The following BTBD9 variants were observed in gnomAD, a reference collection of about 807,000 sequenced individuals.
BTBD9 encodes BTB/POZ domain-containing protein 9.
Under a neutral mutation model 64.3 loss-of-function variants are expected in BTBD9, and 49 were observed. That is an observed-to-expected ratio of 0.76 (90% CI 0.61 to 0.97). BTBD9 has a LOEUF of 0.97. Among genes scored for constraint, BTBD9 ranks in the 50% least tolerant of loss-of-function variants. The pLI, the probability that BTBD9 is intolerant of heterozygous loss-of-function variation, is 0.00. For synonymous variants in BTBD9, 260 were observed against 274.7 expected, an observed-to-expected ratio of 0.95 and a Z score of 0.53; for missense variants, 598 against 762.1, an observed-to-expected ratio of 0.78 and a Z score of 2.53.
rs562381672 is a variant in BTBD9 at position 38,403,826 on chromosome 6, C to T, written c.1155-58733G>A. Among the ~76,000 whole-genome samples the T allele has an allele frequency of 6.6e-5, 10 of 152,114 alleles. 1 individual carries two copies. The South Asian group carries it at 1.7e-3, about 25-fold the overall frequency. On this transcript the variant is annotated intron_variant, in intron 6 of 10. Coordinates refer to ENST00000481247, the MANE Select transcript of BTBD9 (RefSeq NM_001099272.2). ...ACAGCAGCCAAAAGACTAAAATGGC[C>T]CAAATATCCATCAACTGATGAATGG... is the stretch of plus-strand genomic sequence containing the variant.
chr6:38,272,826 T>G (rs1486135682), intron 8 of BTBD9, among the ~76,000 whole-genome samples: 1 of 152,026 alleles, frequency 6.6e-6, no homozygotes, highest in Non-Finnish European at 1.5e-5. Context: ...TCTTTTAACC[T>G]CAGAAAGGAG....
At chr6:38,371,381 T>C (rs764867977) in intron 6 of BTBD9, among the ~76,000 whole-genome samples, 1 of 152,194 alleles carries the variant, frequency 6.6e-6, no homozygotes, top group Non-Finnish European at 1.5e-5. Context: ...CATGTGATTG[T>C]GATGGATGCT....
chr6:38,210,536 T>TTGTGTTTG (rs1762794483), intron 9 of BTBD9, among the ~76,000 whole-genome samples: 1 of 146,348 alleles, frequency 6.8e-6, no homozygotes, highest in Non-Finnish European at 1.5e-5. Flanking sequence ...GTGCGTGTGT[T>TTGTGTTTG]TGTGTGTGTG....
At chr6:38,599,025 T>C (rs774000565) in intron 1 of BTBD9, among the ~76,000 whole-genome samples, 1 of 151,970 alleles carries the variant, frequency 6.6e-6, no homozygotes, top group Non-Finnish European at 1.5e-5. Context: ...AACAAAAGAG[T>C]AATTCCAACA....
chr6:38,612,253 A>G (rs1159510238), intron 1 of BTBD9, among the ~76,000 whole-genome samples: 1 of 152,240 alleles, frequency 6.6e-6, no homozygotes, highest in African/African-American at 2.4e-5. Context: ...AGTTCATGAA[A>G]TAAGTGATTC....
At chr6:38,455,365 T>G (rs914951162) in intron 6 of BTBD9, among the ~76,000 whole-genome samples, 2 of 152,192 alleles carry the variant, frequency 1.3e-5, no homozygotes, top group African/African-American at 4.8e-5. Flanking sequence ...AGATGGGGTC[T>G]TGCTTTGTTG....
intron 4 of BTBD9, among the ~76,000 whole-genome samples, chr6:38,585,170 T>G (rs1216755671): frequency 6.6e-6 from 1 of 152,182 alleles, no homozygotes; most frequent in Non-Finnish European, 1.5e-5. Flanking sequence ...CACACTCCCA[T>G]GGAGGAATAC....
At chr6:38,466,562 G>C (rs1489496765) in intron 6 of BTBD9, among the ~76,000 whole-genome samples, 1 of 151,944 alleles carries the variant, frequency 6.6e-6, no homozygotes, top group Non-Finnish European at 1.5e-5. Flanking sequence ...CAAATTGCTA[G>C]GGATTACAGG....
intron 6 of BTBD9, among the ~76,000 whole-genome samples, chr6:38,433,986 C>A (rs11970228): frequency 1.3e-5 from 2 of 151,696 alleles, no homozygotes; most frequent in African/African-American, 2.4e-5. Flanking sequence ...AGGGGTCTGG[C>A]GAGTCATGCT....
intron 7 of BTBD9, among the ~76,000 whole-genome samples, chr6:38,338,699 T>C (rs1367650611): frequency 6.6e-6 from 1 of 152,126 alleles, no homozygotes; most frequent in East Asian, 1.9e-4. Context: ...ACAACCAGAC[T>C]TCTGTAATGC....
intron 10 of BTBD9, among the ~76,000 whole-genome samples, chr6:38,185,514 C>T (rs1038325174): frequency 6.6e-6 from 1 of 152,210 alleles, no homozygotes. Context: ...CCTGGATTCA[C>T]ATTCTGATTC....
Position 38,533,565 on chromosome 6 carries a change from T to G in BTBD9, c.1154+44035A>C, listed in dbSNP as rs1773889224. The stretch of plus-strand genomic sequence containing the variant: ...TGACCTAATAAATACTTACAGAAAA[T>G]TTCATCCAATGGCTGCAGAATACAC... On this transcript the variant is annotated intron_variant, in intron 6 of 10. Transcript: ENST00000481247. Among the ~76,000 whole-genome samples, 4 of 152,266 alleles carry G rather than the reference T, an allele frequency of 2.6e-5. No homozygotes were observed. In the South Asian group the frequency reaches 8.3e-4, roughly 32 times the overall value.
intron 6 of BTBD9, among the ~76,000 whole-genome samples, chr6:38,446,123 C>G (rs1363983187): frequency 6.6e-6 from 1 of 152,096 alleles, no homozygotes. Flanking sequence ...AGTGAGGGCT[C>G]CACTCACATG....
chr6:38,556,540 TGTGTGTGTGTGAGAGA>T (rs748915184), intron 6 of BTBD9, among the ~76,000 whole-genome samples: 69 of 55,558 alleles, frequency 1.2e-3, no homozygotes, highest in South Asian at 7.7e-3. Flanking sequence ...TGTGTGTGTG[TGTGTGTGTGTGAGAGA>T]GAGAGAGAGA....
At chr6:38,554,053 T>C (rs900049333) in intron 6 of BTBD9, among the ~76,000 whole-genome samples, 8 of 152,092 alleles carry the variant, frequency 5.3e-5, no homozygotes, top group African/African-American at 1.2e-4. Flanking sequence ...AAAGAAACCA[T>C]ATGGTATTGA....
At chr6:38,520,860 T>C (rs1773243923) in intron 6 of BTBD9, among the ~76,000 whole-genome samples, 1 of 152,106 alleles carries the variant, frequency 6.6e-6, no homozygotes, top group Non-Finnish European at 1.5e-5. Context: ...GATGGGAGAA[T>C]TGCTTGAGCT....
chr6:38,392,613 C>T (rs1263812753), intron 6 of BTBD9, among the ~76,000 whole-genome samples: 2 of 152,074 alleles, frequency 1.3e-5, no homozygotes, highest in Non-Finnish European at 2.9e-5. Context: ...ATTTGCCATA[C>T]TAAAAAGAAA....
chr6:38,629,996 T>C (rs1187105922), intron 1 of BTBD9, among the ~76,000 whole-genome samples: 1 of 151,550 alleles, frequency 6.6e-6, no homozygotes, highest in East Asian at 1.9e-4. Flanking sequence ...TCACCTGAGG[T>C]CAAGAGTTTG....
At chr6:38,262,613 T>A (rs1245264624) in intron 8 of BTBD9, among the ~76,000 whole-genome samples, 1 of 152,190 alleles carries the variant, frequency 6.6e-6, no homozygotes, top group African/African-American at 2.4e-5. Context: ...GATACAAAAT[T>A]CAATAGCGAA....
Sources: gnomAD v4.1 joint callset for allele counts (sites outside exome capture counted in the v4.1 genomes callset) on GRCh38, gnomAD v4.1.1 for gene constraint, MANE v1.5 for transcripts, NCBI Gene and HGNC (gene_info 2026-07-23, HGNC 2026-07-21) for gene names.